PIEZO2: variants seen among roughly 807,000 people sequenced by gnomAD.
PIEZO2 encodes the protein piezo type mechanosensitive ion channel component 2.
PIEZO2 carries 172 observed loss-of-function variants against 337.3 expected under a neutral mutation model. The observed-to-expected ratio is 0.51, with a 90% CI of 0.45 to 0.58. The LOEUF (loss-of-function observed/expected upper bound fraction) is 0.58. PIEZO2 is among the 20% of genes least tolerant of loss of function. The pLI is 0.00. For missense variants in PIEZO2, 3,028 were observed against 3,391.3 expected (o/e 0.89, Z 2.66); for synonymous variants, 1,251 against 1,228.5 (o/e 1.02, Z -0.38).
Position 10,696,408 on chromosome 18 carries a change from C to T in PIEZO2, c.6959G>A (p.Gly2320Asp). ...CCAACCTACCCCAAAGGCCCAAAAG[C>T]CGAAGACAATGATGATGAAGTCCAC... ...DTVDFIIIVF[G>D]FWAFGKHSAA... The change falls in exon 46 of 56, where the codon GGC (glycine) becomes GAC (aspartate). Residue 2320 changes from glycine to aspartate, a missense_variant. Coordinates refer to ENST00000674853, the MANE Select transcript of PIEZO2 (RefSeq NM_001378183.1). 1 of 1,614,194 alleles carries T rather than the reference C, an allele frequency of 6.2e-7. No individual in the cohort carries two copies. Among genetic ancestry groups the T allele is most frequent in the South Asian group, 1.1e-5 (1 of 91,072 alleles).
At chr18:10,780,490 C>A in intron 17 of PIEZO2, 124 bp from the exon 18 acceptor site, 1 of 648,056 alleles carries the variant, frequency 1.5e-6, no homozygotes, top group Non-Finnish European at 2.8e-6. Context: ...TCAAGTGTAG[C>A]CACCCTCACA....
At chr18:11,062,206 A>AGC (rs2037987750) in intron 2 of PIEZO2, among the ~76,000 whole-genome samples, 2 of 151,926 alleles carry the variant, frequency 1.3e-5, no homozygotes. Context: ...GGCTAGCCAT[A>AGC]TGTAGAAAGC....
At chr18:11,089,735 T>C (rs1490580880) in intron 1 of PIEZO2, among the ~76,000 whole-genome samples, 1 of 152,206 alleles carries the variant, frequency 6.6e-6, no homozygotes, top group Non-Finnish European at 1.5e-5. Context: ...GCACAAATGC[T>C]TTGCAGGGGT....
intron 7 of PIEZO2, among the ~76,000 whole-genome samples, chr18:10,841,888 G>A (rs1268339920): frequency 3.9e-5 from 6 of 152,268 alleles, no homozygotes; most frequent in East Asian, 3.9e-4. Flanking sequence ...GCAACGCAGG[G>A]CGTGGTGGCT....
In PIEZO2 at chr18:10,861,795, A is replaced by T. The variant is rs1289660453; in HGVS notation, c.493-4584T>A. Among the ~76,000 whole-genome samples the T allele has an allele frequency of 6.6e-6, 1 of 152,256 alleles. No homozygotes were observed. Among genetic ancestry groups the T allele is most frequent in the Non-Finnish European group, 1.5e-5 (1 of 68,052 alleles). On this transcript the variant is annotated intron_variant, in intron 5 of 55. Transcript: ENST00000674853. The surrounding 1 kb of genome is among the most constrained non-coding windows in gnomAD (Gnocchi z 4.3). Reference sequence around the variant, plus strand: ...CACCTTGGGAAGCTGAGGCAGGTGGATCACCTGAGGTCAGGAGATCGAGAC... The same window carrying T: ...CACCTTGGGAAGCTGAGGCAGGTGGTTCACCTGAGGTCAGGAGATCGAGAC...
chr18:10,860,550 G>A (rs1405486603), intron 5 of PIEZO2, among the ~76,000 whole-genome samples: 1 of 152,124 alleles, frequency 6.6e-6, no homozygotes, highest in Non-Finnish European at 1.5e-5. Flanking sequence ...CAAATGACCT[G>A]CTCATCAGGC....
In PIEZO2 at chr18:10,828,116, GT is replaced by G. The variant is rs1228160526; in HGVS notation, c.918-20843del. 1.6e-5 allele frequency among the ~76,000 whole-genome samples: 2 copies of G among 128,380 alleles called. No homozygotes were observed. The highest frequency in any genetic ancestry group is 3.2e-5 in the Non-Finnish European group (2 of 63,372). 84.2% of individuals were successfully genotyped at this position (128,380 alleles called of 152,430 possible). On this transcript the variant is annotated intron_variant, in intron 7 of 55. Coordinates refer to ENST00000674853, the MANE Select transcript of PIEZO2 (RefSeq NM_001378183.1). This position sits in a 1 kb window ranked among gnomAD's most constrained non-coding sequence, Gnocchi z 4.1. ...TAGACAAGCTCGAAATAGCATGACG[GT>G]TTTTTTTTGTTTGTTTGTTTTTGTT...
intron 7 of PIEZO2, among the ~76,000 whole-genome samples, chr18:10,842,334 G>T (rs1287166449): frequency 6.6e-6 from 1 of 152,122 alleles, no homozygotes; most frequent in Non-Finnish European, 1.5e-5. Flanking sequence ...TGATCTCAAA[G>T]GTTAGAGGTG....
intron 2 of PIEZO2, among the ~76,000 whole-genome samples, chr18:11,004,826 C>T (rs2035663995): frequency 6.6e-6 from 1 of 152,180 alleles, no homozygotes; most frequent in Non-Finnish European, 1.5e-5. Flanking sequence ...AAGTCATTTC[C>T]ATATGTTTCA....
At chr18:10,900,408 G>A (rs908604752) in intron 4 of PIEZO2, among the ~76,000 whole-genome samples, 10 of 152,098 alleles carry the variant, frequency 6.6e-5, no homozygotes, top group African/African-American at 1.4e-4. Context: ...AACTTTTCTC[G>A]TTGTGTGGGA....
chr18:11,100,627 A>G (rs1408901328), intron 1 of PIEZO2, among the ~76,000 whole-genome samples: 3 of 151,476 alleles, frequency 2.0e-5, no homozygotes, highest in South Asian at 2.1e-4. Context: ...ACGGAGTCTC[A>G]CTCTGTCGCC....
Position 10,724,560 on chromosome 18 carries a change from A to G in PIEZO2, c.5030-6301T>C, listed in dbSNP as rs2036449895. ...TCTCCACATACCCTTCTGTGTCCCC[A>G]GAAGTCGACAGTGTGGGGAGTTGGA... On this transcript the variant is annotated intron_variant, in intron 36 of 55. Transcript: ENST00000674853. The surrounding 1 kb of genome is among the most constrained non-coding windows in gnomAD (Gnocchi z 5.8). 1.8e-6 allele frequency: 1 copy of G among 553,276 alleles called. No individual in the cohort carries two copies. The highest frequency in any genetic ancestry group is 2.7e-5 in the South Asian group (1 of 37,616). The allele number at this position is 553,276 out of a possible 1,614,324, so 34.3% of individuals were successfully genotyped here.
chr18:10,786,497 A>G lies in PIEZO2; in HGVS notation c.2318+539T>C, dbSNP rs181204180. Among the ~76,000 whole-genome samples, 336 of 152,330 alleles carry G rather than the reference A, an allele frequency of 2.2e-3. 2 individuals carry two copies. Among genetic ancestry groups the G allele is most frequent in the African/African-American group, 7.7e-3 (322 of 41,578 alleles). On this transcript the variant is annotated intron_variant, in intron 16 of 55. Transcript: ENST00000674853. ...ATCAATATATTCAGCTCAAAACCCA[A>G]TGCTGGCTGGATTTCCAAACTAATT...
At chr18:10,712,072 T>C (rs16975270) in intron 39 of PIEZO2, among the ~76,000 whole-genome samples, 46,071 of 152,114 alleles carry the variant, frequency 0.3, 7,190 homozygotes, top group East Asian at 0.4. Flanking sequence ...TCTTGGTTTT[T>C]GAAAAAGGGT....
chr18:10,678,693 G>A (rs2034123655), intron 52 of PIEZO2, among the ~76,000 whole-genome samples: 1 of 152,204 alleles, frequency 6.6e-6, no homozygotes, highest in Non-Finnish European at 1.5e-5. Context: ...TTTGGATGCA[G>A]TATTTGGATG....
chr18:10,904,738 C>A (rs2043133610), intron 4 of PIEZO2, among the ~76,000 whole-genome samples: 1 of 152,236 alleles, frequency 6.6e-6, no homozygotes. Flanking sequence ...CAATCCACAG[C>A]CTCTGCAGCT....
intron 21 of PIEZO2, among the ~76,000 whole-genome samples, chr18:10,768,951 C>T (rs1002098813): frequency 2.6e-5 from 4 of 152,180 alleles, no homozygotes; most frequent in African/African-American, 7.2e-5. Flanking sequence ...ATGCCCACTC[C>T]CATCACCACA....
At chr18:10,685,501 C>T (rs1362645024) in intron 49 of PIEZO2, among the ~76,000 whole-genome samples, 1 of 152,150 alleles carries the variant, frequency 6.6e-6, no homozygotes, top group Admixed American at 6.5e-5. Context: ...GGCATGCATG[C>T]CTCGAGTTAT....
chr18:11,115,338 A>T (rs1430667745), intron 1 of PIEZO2, among the ~76,000 whole-genome samples: 1 of 152,250 alleles, frequency 6.6e-6, no homozygotes, highest in African/African-American at 2.4e-5. Context: ...ATTACAAAAG[A>T]ACCAAAATCC....
Sources: allele counts gnomAD v4.1 joint callset (sites outside exome capture counted in the v4.1 genomes callset), GRCh38; gene constraint gnomAD v4.1.1; non-coding constraint Gnocchi (gnomAD v3.1); transcripts MANE v1.5; gene names NCBI Gene and HGNC (gene_info 2026-07-23, HGNC 2026-07-21).